Variants in ATP5F1C observed in about 807,000 individuals in gnomAD.
ATP5F1C encodes the protein ATP synthase F1 subunit gamma.
In ATP5F1C, 22 loss-of-function variants were observed where a neutral mutation model predicts 37.4. That is an observed-to-expected ratio of 0.59 (90% confidence interval 0.42 to 0.84). ATP5F1C has a LOEUF of 0.84. Among genes scored for constraint, ATP5F1C ranks in the 40% least tolerant of loss-of-function variants. The probability of loss-of-function intolerance (pLI) is 0.00; values close to 1 mark genes in which losing one functional copy is unlikely to be tolerated. For synonymous variants in ATP5F1C, 121 were observed against 128.0 expected (o/e 0.95, Z 0.37); for missense variants, 286 against 362.4 (o/e 0.79, Z 1.71).
At chr10:7,804,050 C>T (rs1836426248) in intron 8 of ATP5F1C, 1 of 517,932 alleles carries the variant, frequency 1.9e-6, no homozygotes, top group Non-Finnish European at 3.9e-6. Context: ...AGAGCTCAGT[C>T]TTCACAGTAA....
chr10:7,790,253 C>T (rs1836142168), intron 1 of ATP5F1C, among the ~76,000 whole-genome samples: 1 of 152,184 alleles, frequency 6.6e-6, no homozygotes, highest in African/African-American at 2.4e-5. Flanking sequence ...TTTTAAAGTA[C>T]AATTTGTTAT....
intron 4 of ATP5F1C, chr10:7,799,509 T>C (rs1053858751): frequency 2.8e-5 from 16 of 561,488 alleles, no homozygotes; most frequent in Non-Finnish European, 3.1e-6. Context: ...AGCCTGGAAA[T>C]GTTAGCAATA....
Position 7,797,104 on chromosome 10 carries a change from T to C in ATP5F1C, c.149T>C (p.Met50Thr), listed in dbSNP as rs368847972. 3 of 1,613,966 alleles carry C rather than the reference T, an allele frequency of 1.9e-6. No homozygotes were observed. Among genetic ancestry groups the C allele is most frequent in the African/African-American group, 2.7e-5 (2 of 74,892 alleles). ...CAGAAAATTACCAAGTCTATGAAAA[T>C]GGTAGCGGCAGCAAAATATGCCCGA... is the stretch of plus-strand genomic sequence containing the variant. ...NIQKITKSMK[M>T]VAAAKYARAE... The change falls in exon 3 of 10, where the codon ATG becomes ACG. Residue 50 changes from methionine to threonine, a missense_variant. By Grantham distance (81) the Met-to-Thr change is moderately conservative. Transcript: ENST00000356708.
intron 1 of ATP5F1C, among the ~76,000 whole-genome samples, chr10:7,788,546 G>A (rs1314962070): frequency 2.6e-5 from 4 of 152,218 alleles, no homozygotes; most frequent in Non-Finnish European, 5.9e-5. Context: ...CCAAATTGAC[G>A]TCTGGGCGGT....
intron 7 of ATP5F1C, 137 bp from the exon 8 acceptor site, chr10:7,802,621 T>C (rs1836392229): frequency 3.6e-6 from 4 of 1,106,032 alleles, no homozygotes; most frequent in African/African-American, 1.6e-5. Context: ...TGTAAAAATA[T>C]CTTCATAACA....
chr10:7,791,744 T>G (rs1836167822), intron 1 of ATP5F1C, among the ~76,000 whole-genome samples: 1 of 152,226 alleles, frequency 6.6e-6, no homozygotes, highest in Non-Finnish European at 1.5e-5. Flanking sequence ...AGAGTTCAAT[T>G]AGCTCATCAC....
intron 8 of ATP5F1C, among the ~76,000 whole-genome samples, chr10:7,806,300 A>G (rs1588505288): frequency 1.3e-5 from 2 of 152,370 alleles, no homozygotes; most frequent in East Asian, 3.9e-4. Context: ...CTATTTAGTA[A>G]TATAATTAAG....
At chr10:7,797,269 C>G in intron 3 of ATP5F1C, 91 bp downstream of exon 3, 3 of 1,504,236 alleles carry the variant, frequency 2.0e-6, no homozygotes, top group Middle Eastern at 1.8e-4. Flanking sequence ...ACAGTGATGT[C>G]AAGCCTATCT....
At chr10:7,792,072 T>C (rs1446905464) in intron 1 of ATP5F1C, among the ~76,000 whole-genome samples, 1 of 152,208 alleles carries the variant, frequency 6.6e-6, no homozygotes. Flanking sequence ...ATAAATTTTG[T>C]GTTCAGGGAG....
intron 1 of ATP5F1C, 43 bp from the exon 2 acceptor site, chr10:7,796,078 A>G (rs753141069): frequency 1.3e-6 from 2 of 1,516,570 alleles, no homozygotes; most frequent in African/African-American, 2.8e-5. Flanking sequence ...TAATGGAACT[A>G]TTTTTCAAAA....
chr10:7,796,245 A>G (rs1244418), intron 2 of ATP5F1C, 90 bp downstream of exon 2: 415,056 of 1,158,638 alleles, frequency 0.36, 75,929 homozygotes, highest in South Asian at 0.43. Flanking sequence ...GCTTTAGCCC[A>G]TTGTGTATTT....
intron 6 of ATP5F1C, 108 bp from the exon 7 acceptor site, chr10:7,802,162 T>G: frequency 2.7e-6 from 3 of 1,118,664 alleles, no homozygotes; most frequent in Non-Finnish European, 3.7e-6. Context: ...TATCTAGCAT[T>G]AATTTCTGCT....
chr10:7,807,102 T>C, intron 9 of ATP5F1C, 92 bp downstream of exon 9: 6 of 1,281,754 alleles, frequency 4.7e-6, no homozygotes, highest in Non-Finnish European at 6.4e-6. Flanking sequence ...AATTGTCCTC[T>C]GAGAGATTTA....
In ATP5F1C at chr10:7,794,320, A is replaced by G. The variant is rs138238229; in HGVS notation, c.57-1801A>G. On this transcript the variant is annotated intron_variant, in intron 1 of 9. Transcript: ENST00000356708. ...AGATAATCATGTCATCTATGAACAA[A>G]AACAGTTTTATTCCTTCCCTTCAAA... Among the ~76,000 whole-genome samples, 5 of 152,312 alleles carry G rather than the reference A, an allele frequency of 3.3e-5. 1 individual carries two copies. The East Asian group carries it at 5.8e-4, about 18-fold the overall frequency.
At chr10:7,796,999 A>T in intron 2 of ATP5F1C, 48 bp from the exon 3 acceptor site, 1 of 1,580,636 alleles carries the variant, frequency 6.3e-7, no homozygotes, top group Admixed American at 1.8e-5. Flanking sequence ...TTCACAAGGA[A>T]GTTATACTGT....
At chr10:7,792,823 TA>T (rs1836182882) in intron 1 of ATP5F1C, among the ~76,000 whole-genome samples, 1 of 152,200 alleles carries the variant, frequency 6.6e-6, no homozygotes, top group Admixed American at 6.5e-5. Context: ...TGCTCTTGTG[TA>T]GGTTTTATGT....
intron 8 of ATP5F1C, among the ~76,000 whole-genome samples, chr10:7,804,581 T>G (rs1836437399): frequency 6.6e-6 from 1 of 152,226 alleles, no homozygotes; most frequent in African/African-American, 2.4e-5. Flanking sequence ...ACTCCTTCCT[T>G]CAGTCTGAGT....
chr10:7,791,108 T>A (rs2131053832), intron 1 of ATP5F1C, among the ~76,000 whole-genome samples: 1 of 152,268 alleles, frequency 6.6e-6, no homozygotes, highest in Admixed American at 6.5e-5. Context: ...AAGACCATAC[T>A]GGCCAACATG....
In ATP5F1C at chr10:7,788,240, G is replaced by C. The variant is rs746142040; in HGVS notation, c.33G>C (p.Ser11=). 1.2e-6 allele frequency: 2 copies of C among 1,613,486 alleles called. No homozygotes were observed. Among genetic ancestry groups the C allele is most frequent in the African/African-American group, 2.7e-5 (2 of 74,952 alleles). MFSRAGVAGL[S]AWTLQPQWIQ... ...CTCGCGCGGGTGTCGCTGGGCTGTC[G>C]GCCTGGACCTTGCAGCCGCAATGGT... Residue 11 remains serine (S), a synonymous_variant, in exon 1 of 10, where the codon TCG becomes TCC. Transcript: ENST00000356708.
Sources: gnomAD v4.1 joint callset for allele counts (sites outside exome capture counted in the v4.1 genomes callset) on GRCh38, gnomAD v4.1.1 for gene constraint, MANE v1.5 for transcripts, NCBI Gene and HGNC (gene_info 2026-07-23, HGNC 2026-07-21) for gene names.